VDAC1: variants seen among roughly 807,000 people sequenced by gnomAD.
VDAC1 encodes voltage dependent anion channel 1, also known as non-selective voltage-gated ion channel VDAC1.
VDAC1 carries 10 observed loss-of-function variants against 34.7 expected under a neutral mutation model. The observed-to-expected ratio is 0.29, with a 90% CI of 0.18 to 0.49. The LOEUF is 0.49. Among genes scored for constraint, VDAC1 ranks in the 20% least tolerant of loss-of-function variants. The probability of loss-of-function intolerance (pLI) is 0.99; values close to 1 mark genes in which losing one functional copy is unlikely to be tolerated. For synonymous variants in VDAC1, 130 were observed against 136.0 expected (o/e 0.96, Z 0.30); for missense variants, 230 against 347.9 (o/e 0.66, Z 2.69).
At chr5:133,995,960 A>C (rs949912193) in intron 1 of VDAC1, among the ~76,000 whole-genome samples, 9 of 151,948 alleles carry the variant, frequency 5.9e-5, no homozygotes, top group African/African-American at 1.9e-4. Context: ...ATCTGCTCCA[A>C]ATCGGAGCCT....
the VDAC1 span, among the ~76,000 whole-genome samples, chr5:134,093,251 TAA>T: frequency 1.3e-5 from 2 of 152,202 alleles, no homozygotes; most frequent in Non-Finnish European, 2.9e-5. Flanking sequence ...CTAGAATGGG[TAA>T]TACCACTGCC....
chr5:134,009,501 C>T (rs1753800326), upstream of VDAC1, among the ~76,000 whole-genome samples: 1 of 150,850 alleles, frequency 6.6e-6, no homozygotes, highest in Non-Finnish European at 1.5e-5. Context: ...TTGTGATCTG[C>T]CGGCCTCCGC....
the VDAC1 span, among the ~76,000 whole-genome samples, chr5:134,024,647 A>C: frequency 6.6e-6 from 1 of 152,178 alleles, no homozygotes; most frequent in African/African-American, 2.4e-5. Context: ...CAGCAAAATA[A>C]AAATTTTTTA....
At chr5:134,049,687 C>G in the VDAC1 span, among the ~76,000 whole-genome samples, 2 of 152,164 alleles carry the variant, frequency 1.3e-5, no homozygotes, top group Non-Finnish European at 2.9e-5. Context: ...TCACGCAATT[C>G]TCCTGTCTCA....
intron 3 of VDAC1, among the ~76,000 whole-genome samples, chr5:133,992,011 C>T (rs983324021): frequency 1.3e-5 from 2 of 152,078 alleles, no homozygotes; most frequent in South Asian, 2.1e-4. Context: ...CCAAGGTGGG[C>T]GGATCACCTG....
the VDAC1 span, among the ~76,000 whole-genome samples, chr5:134,018,756 A>G: frequency 1.3e-5 from 2 of 152,188 alleles, no homozygotes; most frequent in Non-Finnish European, 2.9e-5. Flanking sequence ...ATAAACTAAT[A>G]TGTGATTCAG....
chr5:133,988,648 C>A (rs1025460279), intron 5 of VDAC1: 1 of 152,104 alleles, frequency 6.6e-6, no homozygotes, highest in African/African-American at 2.4e-5. Flanking sequence ...TCTGTAGTCC[C>A]AGCTACTTGG....
intron 5 of VDAC1, among the ~76,000 whole-genome samples, chr5:133,985,426 G>A (rs563407882): frequency 7.4e-4 from 112 of 152,238 alleles, no homozygotes; most frequent in African/African-American, 2.5e-3. Flanking sequence ...CTCCAAGGAG[G>A]GCAGATCACT....
At chr5:134,065,467 A>G in the VDAC1 span, among the ~76,000 whole-genome samples, 1 of 150,476 alleles carries the variant, frequency 6.6e-6, no homozygotes, top group Non-Finnish European at 1.5e-5. Flanking sequence ...CAGCCTCCCG[A>G]GTAGCTGGGA....
chr5:133,999,832 C>T (rs766420484), intron 1 of VDAC1, among the ~76,000 whole-genome samples: 1 of 152,196 alleles, frequency 6.6e-6, no homozygotes, highest in Non-Finnish European at 1.5e-5. Context: ...TCACAACCAT[C>T]ATCATCATCA....
At chr5:134,106,754 G>A in the VDAC1 span, among the ~76,000 whole-genome samples, 1 of 152,050 alleles carries the variant, frequency 6.6e-6, no homozygotes, top group African/African-American at 2.4e-5. Flanking sequence ...TGACAAAGAG[G>A]GTAAGTGACT....
the VDAC1 span, among the ~76,000 whole-genome samples, chr5:134,053,807 C>T: frequency 6.6e-6 from 1 of 152,228 alleles, no homozygotes; most frequent in Non-Finnish European, 1.5e-5. Flanking sequence ...CACAAGTCAA[C>T]AAGTCAGAAA....
At chr5:134,055,467 T>C in the VDAC1 span, among the ~76,000 whole-genome samples, 2 of 152,054 alleles carry the variant, frequency 1.3e-5, no homozygotes, top group African/African-American at 4.8e-5. Flanking sequence ...TCACCCAGGC[T>C]GGAGTGCAGT....
At chr5:134,113,704 G>A in the VDAC1 span, among the ~76,000 whole-genome samples, 1 of 152,272 alleles carries the variant, frequency 6.6e-6, no homozygotes, top group East Asian at 1.9e-4. Flanking sequence ...AGGCCCGCGT[G>A]GACGCAGACC....
chr5:134,111,486 GTA>G, the VDAC1 span, among the ~76,000 whole-genome samples: 27 of 152,116 alleles, frequency 1.8e-4, no homozygotes, highest in Non-Finnish European at 3.8e-4. Flanking sequence ...TATCATCTGT[GTA>G]TGTGATCTGA....
intron 5 of VDAC1, among the ~76,000 whole-genome samples, chr5:133,982,527 A>G (rs1195430889): frequency 1.3e-5 from 2 of 151,030 alleles, no homozygotes; most frequent in African/African-American, 4.9e-5. Context: ...AAAAAAAAAA[A>G]GAATTATAAT....
chr5:134,092,879 A>G, the VDAC1 span, among the ~76,000 whole-genome samples: 1 of 152,162 alleles, frequency 6.6e-6, no homozygotes, highest in Non-Finnish European at 1.5e-5. Flanking sequence ...TTCCCTCTCC[A>G]TTGCAACCCT....
At chr5:134,051,407 C>T in the VDAC1 span, among the ~76,000 whole-genome samples, 4 of 152,224 alleles carry the variant, frequency 2.6e-5, no homozygotes. Flanking sequence ...GTTCTTCAAA[C>T]AAAAGACTGC....
the VDAC1 span, among the ~76,000 whole-genome samples, chr5:134,040,713 C>T: frequency 3.3e-5 from 5 of 152,124 alleles, no homozygotes; most frequent in African/African-American, 1.2e-4. Flanking sequence ...GGCGACAGAG[C>T]GAGATTCTGT....
Sources: allele counts gnomAD v4.1 joint callset (sites outside exome capture counted in the v4.1 genomes callset), GRCh38; gene constraint gnomAD v4.1.1; transcripts MANE v1.5; gene names NCBI Gene and HGNC (gene_info 2026-07-23, HGNC 2026-07-21).